PAPPA: variants seen among roughly 807,000 people sequenced by gnomAD.
PAPPA encodes the protein pappalysin-1.
A neutral mutation model predicts 164.0 loss-of-function variants in PAPPA; 60 were observed. The observed-to-expected ratio is 0.37, with a 90% CI of 0.30 to 0.45. The LOEUF is 0.45. PAPPA is among the 20% of genes least tolerant of loss of function. The pLI, the probability that PAPPA is intolerant of heterozygous loss-of-function variation, is 1.00. For missense variants in PAPPA, 1,782 were observed against 2,087.3 expected, an observed-to-expected ratio of 0.85 and a Z score of 2.85; for synonymous variants, 875 against 814.1, an observed-to-expected ratio of 1.07 and a Z score of -1.27.
At chr9:116,312,225 G>A (rs368347117) in intron 10 of PAPPA, among the ~76,000 whole-genome samples, 5 of 148,790 alleles carry the variant, frequency 3.4e-5, no homozygotes, top group Admixed American at 2.7e-4. Context: ...CCTGTCATTT[G>A]TTCTGGCTCC....
At chr9:116,214,349 C>T (rs1191887441) in intron 4 of PAPPA, among the ~76,000 whole-genome samples, 1 of 152,108 alleles carries the variant, frequency 6.6e-6, no homozygotes, top group Non-Finnish European at 1.5e-5. Flanking sequence ...TCATTGAATC[C>T]CCACAGTAGC....
chr9:116,207,467 A>G lies in PAPPA; in HGVS notation c.1490A>G (p.Asp497Gly), dbSNP rs755470841. ...DPDSPHRAYLDVNELKNILKL... is the reference protein window; with the variant it reads ...DPDSPHRAYLGVNELKNILKL... ...TTTTTCTGTTTCAGAGCCTACTTGGATGTTAATGAGCTGAAGAACATTCTT... is the reference window on the plus strand; with the variant it reads ...TTTTTCTGTTTCAGAGCCTACTTGGGTGTTAATGAGCTGAAGAACATTCTT... Residue 497 changes from aspartate to glycine, a missense_variant, in exon 3 of 22, where the codon GAT becomes GGT. Transcript: ENST00000328252. The G allele has an allele frequency of 6.2e-7, 1 of 1,611,422 alleles. No individual in the cohort carries two copies. Among genetic ancestry groups the G allele is most frequent in the Non-Finnish European group, 8.5e-7 (1 of 1,178,654 alleles).
intron 7 of PAPPA, among the ~76,000 whole-genome samples, chr9:116,235,935 A>AAG (rs1844659716): frequency 1.3e-5 from 2 of 152,240 alleles, no homozygotes; most frequent in African/African-American, 4.8e-5. Context: ...AGGTTGGATG[A>AAG]GAGTAGCAGT....
At chr9:116,243,477 C>T (rs569830798) in intron 7 of PAPPA, among the ~76,000 whole-genome samples, 45 of 152,098 alleles carry the variant, frequency 3.0e-4, no homozygotes, top group Non-Finnish European at 5.4e-4. Context: ...TGGAGAAGCT[C>T]AGACTATAAG....
At chr9:116,377,430 C>T (rs1028523600) in intron 19 of PAPPA, 146 bp from the exon 20 acceptor site, 10 of 605,112 alleles carry the variant, frequency 1.7e-5, no homozygotes, top group African/African-American at 1.3e-4. Context: ...TGCAAGTACC[C>T]GGGCAAGTTC....
chr9:116,320,687 T>TC (rs564075916), intron 10 of PAPPA, among the ~76,000 whole-genome samples: 99 of 152,106 alleles, frequency 6.5e-4, no homozygotes, highest in Admixed American at 1.6e-3. Context: ...AAAGCCTGGC[T>TC]CCCCCCTCTC....
chr9:116,259,030 G>A (rs1358563910), intron 7 of PAPPA, among the ~76,000 whole-genome samples: 1 of 152,122 alleles, frequency 6.6e-6, no homozygotes, highest in East Asian at 1.9e-4. Context: ...CTACTTGGGA[G>A]GCTGAGGCAG....
intron 13 of PAPPA, among the ~76,000 whole-genome samples, chr9:116,340,942 T>C (rs1328869276): frequency 6.6e-6 from 1 of 152,188 alleles, no homozygotes; most frequent in East Asian, 1.9e-4. Flanking sequence ...GAGAGACTCA[T>C]CTTCTCAAGG....
intron 4 of PAPPA, among the ~76,000 whole-genome samples, chr9:116,216,551 T>G (rs558569952): frequency 3.9e-5 from 6 of 152,192 alleles, no homozygotes; most frequent in Admixed American, 2.0e-4. Context: ...GGAGACCAGA[T>G]GAAGTGGCCA....
At chr9:116,299,870 T>G (rs1845557768) in intron 9 of PAPPA, among the ~76,000 whole-genome samples, 1 of 101,300 alleles carries the variant, frequency 9.9e-6, no homozygotes. Flanking sequence ...TAAATATCAT[T>G]ACCTCCATTT....
Position 116,187,370 on chromosome 9 carries a change from A to G in PAPPA, c.632A>G (p.Tyr211Cys). 1 of 1,614,120 alleles carries G rather than the reference A, an allele frequency of 6.2e-7. No homozygotes were observed. Among genetic ancestry groups the G allele is most frequent in the Non-Finnish European group, 8.5e-7 (1 of 1,180,030 alleles). Residue 211 changes from tyrosine (Y) to cysteine (C), a missense_variant, in exon 2 of 22, where the codon TAT becomes TGT. By Grantham distance (194) the Tyr-to-Cys change is radical. This residue lies in a region of PAPPA where 458 missense variants were observed against 430.3 expected (regional missense o/e 1.06). Coordinates refer to ENST00000328252, the MANE Select transcript of PAPPA (RefSeq NM_002581.5). The surrounding 1 kb of genome is among the most constrained non-coding windows in gnomAD (Gnocchi z 4.2). ...ATYDGQFMKL[Y>C]VNGAQVATSG... ...TATGATGGGCAGTTCATGAAGCTCT[A>G]TGTGAATGGTGCCCAGGTGGCCACC...
intron 7 of PAPPA, among the ~76,000 whole-genome samples, chr9:116,261,386 G>A (rs1844999142): frequency 6.6e-6 from 1 of 152,098 alleles, no homozygotes; most frequent in South Asian, 2.1e-4. Context: ...AAAATGTGAT[G>A]TTTCCATAGG....
In PAPPA at chr9:116,347,202, A is replaced by G. The variant is rs764488630; in HGVS notation, c.3957A>G (p.Gln1319=). 1.0e-5 allele frequency: 16 copies of G among 1,607,586 alleles called. No homozygotes were observed. Among genetic ancestry groups the G allele is most frequent in the African/African-American group, 4.0e-5 (3 of 74,684 alleles). Residue 1319 remains glutamine (Q), a synonymous_variant, in exon 15 of 22, where the codon CAA becomes CAG. Transcript: ENST00000328252. The surrounding 1 kb of genome is among the most constrained non-coding windows in gnomAD (Gnocchi z 4.5). ...CCTTCCAGTGCCGTCACCCTGCACA[A>G]TTGAAAGGTATCAAGAACGCCTTCC... ...QCSFQCRHPA[Q]LKGNNSLLTC... is the part of the protein sequence containing the mutation.
intron 7 of PAPPA, among the ~76,000 whole-genome samples, chr9:116,241,969 T>TCATC (rs535417303): frequency 9.8e-5 from 15 of 152,290 alleles, no homozygotes; most frequent in African/African-American, 2.6e-4. Flanking sequence ...ATTCATTCAT[T>TCATC]CATCCATCAA....
chr9:116,159,415 G>GTA (rs1290171405), intron 1 of PAPPA, among the ~76,000 whole-genome samples: 1 of 152,166 alleles, frequency 6.6e-6, no homozygotes. Context: ...TTGCTGGGGA[G>GTA]TCTCTCTAGA....
intron 7 of PAPPA, among the ~76,000 whole-genome samples, chr9:116,254,609 C>T (rs910081703): frequency 7.9e-5 from 12 of 151,932 alleles, no homozygotes; most frequent in African/African-American, 2.4e-4. Flanking sequence ...GGTGAAACCC[C>T]ATCTCTACTA....
At chr9:116,345,098 T>G (rs1379678330) in intron 14 of PAPPA, among the ~76,000 whole-genome samples, 1 of 152,178 alleles carries the variant, frequency 6.6e-6, no homozygotes, top group African/African-American at 2.4e-5. Flanking sequence ...CACTAATTCA[T>G]TGCAAAGCAT....
chr9:116,291,894 T>TG (rs1845441352), intron 9 of PAPPA, among the ~76,000 whole-genome samples: 2 of 152,082 alleles, frequency 1.3e-5, no homozygotes, highest in South Asian at 4.1e-4. Context: ...TAAAACAATA[T>TG]GGTATGCTAC....
intron 21 of PAPPA, among the ~76,000 whole-genome samples, chr9:116,388,916 A>G (rs982634061): frequency 1.3e-5 from 2 of 152,198 alleles, no homozygotes; most frequent in African/African-American, 4.8e-5. Context: ...TTTCTTAAGA[A>G]AAGACATTAT....
Sources: gnomAD v4.1 joint callset for allele counts (sites outside exome capture counted in the v4.1 genomes callset) on GRCh38, gnomAD v4.1.1 for gene constraint, gnomAD v4.1.1 regional missense constraint, Gnocchi (gnomAD v3.1) non-coding constraint, MANE v1.5 for transcripts, NCBI Gene and HGNC (gene_info 2026-07-23, HGNC 2026-07-21) for gene names.